Variants in RTN3 observed in about 807,000 individuals in gnomAD.
The protein encoded by RTN3 is reticulon 3.
Under a neutral mutation model 77.8 loss-of-function variants are expected in RTN3, and 49 were observed. The ratio of observed to expected loss-of-function variants is 0.63; its 90% CI spans 0.50 to 0.80. The LOEUF is 0.80. Ranked by LOEUF, RTN3 falls within the 30% of genes least tolerant of loss-of-function variation. The pLI is 0.00. For synonymous variants in RTN3, 464 were observed against 446.9 expected (o/e 1.04, Z -0.48); for missense variants, 1,236 against 1,211.9 (o/e 1.02, Z -0.29).
rs1456885155 is a variant in RTN3 at position 63,750,039 on chromosome 11, T to G, written c.2579T>G (p.Phe860Cys). The change falls in exon 4 of 9, where the codon TTT becomes TGT. Residue 860 changes from phenylalanine (F) to cysteine (C), a missense_variant. Around this residue, in one of 3 missense-constraint regions of RTN3, gnomAD observed 39 missense variants for 66.6 expected, o/e 0.59. Coordinates refer to ENST00000377819, the MANE Select transcript of RTN3 (RefSeq NM_001265589.2). ...GATGTGAAGAAGACTGGGTTTGTCT[T>G]TGGCACCACGCTGATCATGCTGCTT... ...WRDVKKTGFV[F>C]GTTLIMLLSL... is the part of the protein sequence containing the mutation. 3.1e-6 allele frequency: 5 copies of G among 1,613,966 alleles called. No homozygotes were observed. Among genetic ancestry groups the G allele is most frequent in the Non-Finnish European group, 4.2e-6 (5 of 1,179,858 alleles).
At chr11:63,684,156 G>GT (rs748773157) in intron 1 of RTN3, among the ~76,000 whole-genome samples, 9,074 of 44,512 alleles carry the variant, frequency 0.2, 289 homozygotes, top group Non-Finnish European at 0.28. Flanking sequence ...TTTTTTTTTG[G>GT]TTTTTTTTTT....
chr11:63,681,884 A>G (rs1941072888), intron 1 of RTN3, 106 bp downstream of exon 1: 6 of 1,216,006 alleles, frequency 4.9e-6, no homozygotes, highest in Non-Finnish European at 6.6e-6. Flanking sequence ...ACCCTCGACT[A>G]CTGACGGCTT....
chr11:63,718,966 G>T lies in RTN3; in HGVS notation c.464G>T (p.Arg155Leu), dbSNP rs770372955. 2 of 1,613,982 alleles carry T rather than the reference G, an allele frequency of 1.2e-6. No homozygotes were observed. The highest frequency in any genetic ancestry group is 3.3e-5 in the Admixed American group (2 of 59,990). ...VSLAAGVHCD[R>L]PSIPASFPEH... ...CTTGCAGCAGGAGTTCATTGTGACC[G>T]TCCTTCTATTCCAGCCAGTTTCCCA... The change falls in exon 3 of 9, where the codon CGT becomes CTT. Residue 155 changes from arginine (R) to leucine (L), a missense_variant. Around this residue, in one of 3 missense-constraint regions of RTN3, gnomAD observed 1,056 missense variants for 990.4 expected, o/e 1.07. Coordinates refer to ENST00000377819, the MANE Select transcript of RTN3 (RefSeq NM_001265589.2).
intron 3 of RTN3, among the ~76,000 whole-genome samples, chr11:63,746,482 GA>G (rs964664233): frequency 3.8e-4 from 57 of 151,918 alleles, no homozygotes; most frequent in African/African-American, 1.4e-3. Flanking sequence ...CGTAACCAAC[GA>G]AAGTTATTGT....
intron 3 of RTN3, among the ~76,000 whole-genome samples, chr11:63,722,585 CAATT>C (rs1460312561): frequency 6.6e-6 from 1 of 152,106 alleles, no homozygotes; most frequent in Non-Finnish European, 1.5e-5. Flanking sequence ...ATTTCACTAA[CAATT>C]ATCAGTGAAA....
intron 3 of RTN3, among the ~76,000 whole-genome samples, chr11:63,726,409 T>C (rs1368771854): frequency 6.6e-6 from 1 of 152,266 alleles, no homozygotes; most frequent in Middle Eastern, 3.4e-3. Context: ...CCACAACCAC[T>C]GAGTCAGTGG....
chr11:63,690,398 C>T (rs1941593033), intron 1 of RTN3, among the ~76,000 whole-genome samples: 1 of 152,152 alleles, frequency 6.6e-6, no homozygotes, highest in African/African-American at 2.4e-5. Context: ...CATGAAGGCT[C>T]TTTGCCAGGT....
At position 63,719,924 on chromosome 11, in the gene RTN3, T is replaced by G; in HGVS notation, c.1422T>G (p.Asp474Glu). ...GVATVKVVLP[D>E]DHLKDEMDWQ... ...CCACAGTGAAAGTGGTTTTACCTGA[T>G]GACCACCTGAAAGATGAAATGGACT... The change falls in exon 3 of 9, where the codon GAT (aspartate) becomes GAG (glutamate). Residue 474 changes from aspartate to glutamate, a missense_variant. Transcript: ENST00000377819. The G allele has an allele frequency of 1.2e-6, 2 of 1,614,166 alleles. No homozygotes were observed.
intron 1 of RTN3, among the ~76,000 whole-genome samples, chr11:63,695,717 G>A (rs1409944898): frequency 1.3e-5 from 2 of 152,164 alleles, no homozygotes; most frequent in Non-Finnish European, 2.9e-5. Flanking sequence ...GGGACATTCT[G>A]TAAAATATCT....
At chr11:63,694,719 A>G (rs1300713501) in intron 1 of RTN3, among the ~76,000 whole-genome samples, 2 of 152,134 alleles carry the variant, frequency 1.3e-5, no homozygotes, top group Non-Finnish European at 2.9e-5. Flanking sequence ...CAGCCTCCCA[A>G]CGTGCTGGGA....
intron 2 of RTN3, among the ~76,000 whole-genome samples, chr11:63,713,536 C>A (rs989061109): frequency 2.6e-5 from 4 of 152,112 alleles, no homozygotes; most frequent in Non-Finnish European, 5.9e-5. Context: ...GTCTCGAACT[C>A]CTGGGCTCAA....
intron 2 of RTN3, among the ~76,000 whole-genome samples, chr11:63,710,942 G>A (rs1337125928): frequency 6.6e-6 from 1 of 152,102 alleles, no homozygotes; most frequent in African/African-American, 2.4e-5. Flanking sequence ...AATATGCTTT[G>A]ACCCTGCTGG....
At chr11:63,735,553 T>TCTCTCTCTCTCC in intron 3 of RTN3, among the ~76,000 whole-genome samples, 1 of 113,898 alleles carries the variant, frequency 8.8e-6, no homozygotes, top group Non-Finnish European at 1.8e-5. Context: ...CTAACATTTC[T>TCTCTCTCTCTCC]CTCTCTCTCT....
chr11:63,722,175 A>G (rs1276882742), intron 3 of RTN3, among the ~76,000 whole-genome samples: 3 of 152,178 alleles, frequency 2.0e-5, no homozygotes, highest in Admixed American at 6.6e-5. Flanking sequence ...CAAGTTTTAC[A>G]TCTACTGTAT....
At chr11:63,700,639 T>C (rs1942193411) in intron 1 of RTN3, among the ~76,000 whole-genome samples, 1 of 151,608 alleles carries the variant, frequency 6.6e-6, no homozygotes. Flanking sequence ...AGTCTCACTT[T>C]GTCACCCAGG....
chr11:63,721,502 G>A (rs2011797576), intron 3 of RTN3, among the ~76,000 whole-genome samples: 1 of 150,826 alleles, frequency 6.6e-6, no homozygotes, highest in Non-Finnish European at 1.5e-5. Context: ...GTAAACCCGG[G>A]AGGCAGAGCT....
chr11:63,685,380 C>T (rs1323100826), intron 1 of RTN3, among the ~76,000 whole-genome samples: 4 of 151,224 alleles, frequency 2.6e-5, no homozygotes, highest in African/African-American at 7.3e-5. Flanking sequence ...CCTGTAGTCT[C>T]AGCTACTCGG....
chr11:63,745,615 C>G (rs2013748578), intron 3 of RTN3, among the ~76,000 whole-genome samples: 1 of 152,208 alleles, frequency 6.6e-6, no homozygotes, highest in Non-Finnish European at 1.5e-5. Context: ...TGTCCCCTTT[C>G]TATCCCAGAC....
intron 1 of RTN3, among the ~76,000 whole-genome samples, chr11:63,703,125 AAC>A (rs1942328117): frequency 6.6e-6 from 1 of 152,228 alleles, no homozygotes; most frequent in Admixed American, 6.5e-5. Context: ...AATAAAAAAA[AAC>A]ACAATTTTTA....
Sources: gnomAD v4.1 joint callset for allele counts (sites outside exome capture counted in the v4.1 genomes callset) on GRCh38, gnomAD v4.1.1 for gene constraint, gnomAD v4.1.1 regional missense constraint, MANE v1.5 for transcripts, NCBI Gene and HGNC (gene_info 2026-07-23, HGNC 2026-07-21) for gene names.